STPG2: variants seen among roughly 807,000 people sequenced by gnomAD.
STPG2 encodes sperm tail PG-rich repeat containing 2, also known as sperm-tail PG-rich repeat-containing protein 2.
Under a neutral mutation model 54.2 loss-of-function variants are expected in STPG2, and 56 were observed. The observed-to-expected ratio is 1.03, with a 90% CI of 0.83 to 1.29. STPG2 has a LOEUF of 1.29. STPG2 is among the 50% of genes most tolerant of loss of function. The pLI, the probability that STPG2 is intolerant of heterozygous loss-of-function variation, is 0.00. For missense variants in STPG2, 596 were observed against 544.9 expected, an observed-to-expected ratio of 1.09 and a Z score of -0.93; for synonymous variants, 200 against 181.8, an observed-to-expected ratio of 1.10 and a Z score of -0.81.
intron 4 of STPG2, among the ~76,000 whole-genome samples, chr4:97,517,580 A>C (rs1440678519): frequency 6.7e-6 from 1 of 149,298 alleles, no homozygotes; most frequent in Non-Finnish European, 1.5e-5. Flanking sequence ...TTAGCTTTTA[A>C]ACTTTGTATG....
intron 10 of STPG2, among the ~76,000 whole-genome samples, chr4:97,575,129 T>C (rs557161254): frequency 6.6e-6 from 1 of 151,744 alleles, no homozygotes; most frequent in African/African-American, 2.4e-5. Flanking sequence ...AGTTCCAAAA[T>C]TGAATCAGTG....
intron 8 of STPG2, among the ~76,000 whole-genome samples, chr4:97,921,330 CA>C (rs1732098065): frequency 6.6e-6 from 1 of 152,088 alleles, no homozygotes; most frequent in Non-Finnish European, 1.5e-5. Flanking sequence ...CCCCAGTTTC[CA>C]AAGTGGCCTG....
At chr4:97,448,568 T>A (rs143230744) in intron 4 of STPG2, among the ~76,000 whole-genome samples, 4 of 152,278 alleles carry the variant, frequency 2.6e-5, no homozygotes, top group African/African-American at 9.6e-5. Context: ...CTCTCTTTTC[T>A]CCCACCTTGT....
chr4:98,097,438 T>A (rs1033742821), intron 5 of STPG2, among the ~76,000 whole-genome samples: 1 of 152,036 alleles, frequency 6.6e-6, no homozygotes, highest in South Asian at 2.1e-4. Flanking sequence ...ACTTGCCTGA[T>A]AAAAACCCTC....
intron 7 of STPG2, among the ~76,000 whole-genome samples, chr4:97,956,318 AAAAT>A (rs569016265): frequency 8.8e-4 from 134 of 151,982 alleles, no homozygotes; most frequent in Non-Finnish European, 1.6e-3. Flanking sequence ...GAAATGAAAT[AAAAT>A]AAAATATTTG....
chr4:97,949,502 C>T (rs1218960847), intron 7 of STPG2, among the ~76,000 whole-genome samples: 2 of 151,932 alleles, frequency 1.3e-5, no homozygotes, highest in Non-Finnish European at 2.9e-5. Context: ...TTTTATAGGC[C>T]GTGTGAGTTT....
In STPG2 at chr4:97,929,549, ACTT is replaced by A. The variant is rs1159237943; in HGVS notation, c.1044+14345_1044+14347del. ...CCTCACTAGAATCTTTTATTTTTTC[ACTT>A]CTTAATAATAGCCTTTCTCACTGGT... is the stretch of plus-strand genomic sequence containing the variant. On this transcript the variant is annotated intron_variant, in intron 8 of 10. Coordinates refer to ENST00000295268, the MANE Select transcript of STPG2 (RefSeq NM_174952.3). 2.6e-5 allele frequency among the ~76,000 whole-genome samples: 4 copies of A among 152,016 alleles called. No individual in the cohort carries two copies. The East Asian group carries it at 7.7e-4, about 29-fold the overall frequency.
intron 10 of STPG2, among the ~76,000 whole-genome samples, chr4:97,668,108 A>C (rs1722581475): frequency 6.6e-6 from 1 of 152,216 alleles, no homozygotes; most frequent in South Asian, 2.1e-4. Flanking sequence ...CACGTAACTA[A>C]TTAAATATAT....
intron 9 of STPG2, among the ~76,000 whole-genome samples, chr4:97,770,306 G>A (rs768056295): frequency 3.7e-4 from 57 of 152,190 alleles, no homozygotes; most frequent in Admixed American, 4.6e-4. Context: ...CAGTTATCAG[G>A]AAAGGCTTCA....
chr4:97,504,023 AT>A (rs960170864), intron 4 of STPG2, among the ~76,000 whole-genome samples: 1 of 144,608 alleles, frequency 6.9e-6, no homozygotes, highest in Non-Finnish European at 1.5e-5. Flanking sequence ...ATATAAACAT[AT>A]TTTTTATTTT....
chr4:97,872,203 T>C lies in STPG2; in HGVS notation c.1045-31271A>G, dbSNP rs960149525. ...CTGATTTCACTCAATCAGGAAGTGC[T>C]AGGGGTATTTCACTAACATCAGGAA... On this transcript the variant is annotated intron_variant, in intron 8 of 10. Transcript: ENST00000295268. Among the ~76,000 whole-genome samples the C allele has an allele frequency of 3.3e-5, 5 of 151,200 alleles. No homozygotes were observed. In the Admixed American group the frequency reaches 3.3e-4, roughly 10 times the overall value.
intron 3 of STPG2, among the ~76,000 whole-genome samples, chr4:98,113,382 A>T (rs1739417532): frequency 6.6e-6 from 1 of 152,124 alleles, no homozygotes; most frequent in Admixed American, 6.6e-5. Flanking sequence ...AGACAAAAAA[A>T]AATGGTATTT....
chr4:97,793,486 A>C (rs1382067467), intron 9 of STPG2, among the ~76,000 whole-genome samples: 2 of 151,976 alleles, frequency 1.3e-5, no homozygotes, highest in Non-Finnish European at 2.9e-5. Flanking sequence ...ATACATATAA[A>C]ACTTCATGCC....
intron 10 of STPG2, among the ~76,000 whole-genome samples, chr4:97,593,001 G>A (rs1733184860): frequency 6.6e-6 from 1 of 152,074 alleles, no homozygotes. Flanking sequence ...AACCACAAGG[G>A]ACTACCTGGA....
intron 4 of STPG2, among the ~76,000 whole-genome samples, chr4:97,517,026 G>C (rs943652132): frequency 2.0e-5 from 3 of 151,762 alleles, no homozygotes; most frequent in African/African-American, 4.8e-5. Flanking sequence ...TCCTGCCTCA[G>C]CCTCCTGAGT....
At chr4:97,480,803 T>C (rs1730201358) in intron 4 of STPG2, among the ~76,000 whole-genome samples, 1 of 151,628 alleles carries the variant, frequency 6.6e-6, no homozygotes, top group African/African-American at 2.4e-5. Flanking sequence ...ATTTTTAGCA[T>C]ACTCTGGTTA....
At chr4:97,929,839 G>C (rs528924189) in intron 8 of STPG2, among the ~76,000 whole-genome samples, 1 of 152,082 alleles carries the variant, frequency 6.6e-6, no homozygotes, top group Non-Finnish European at 1.5e-5. Context: ...TGCTCACTCT[G>C]TTGATAGTTT....
intron 9 of STPG2, among the ~76,000 whole-genome samples, chr4:97,800,098 G>A (rs1328228922): frequency 6.6e-6 from 1 of 152,078 alleles, no homozygotes; most frequent in Non-Finnish European, 1.5e-5. Context: ...CTTTTTTCAA[G>A]GTTTTTAGCT....
chr4:97,654,541 C>A (rs939783535), intron 10 of STPG2, among the ~76,000 whole-genome samples: 1 of 152,094 alleles, frequency 6.6e-6, no homozygotes, highest in African/African-American at 2.4e-5. Flanking sequence ...CCCTTCCATG[C>A]ATCCTTTTCT....
Sources: gnomAD v4.1 joint callset for allele counts (sites outside exome capture counted in the v4.1 genomes callset) on GRCh38, gnomAD v4.1.1 for gene constraint, MANE v1.5 for transcripts, NCBI Gene and HGNC (gene_info 2026-07-23, HGNC 2026-07-21) for gene names.